DENND2C: variants seen among roughly 807,000 people sequenced by gnomAD.
DENND2C encodes DENN domain-containing protein 2C.
In DENND2C, 72 loss-of-function variants were observed where a neutral mutation model predicts 112.4. The ratio of observed to expected loss-of-function variants is 0.64; its 90% CI spans 0.53 to 0.78. The LOEUF (loss-of-function observed/expected upper bound fraction) is 0.78. Ranked by LOEUF, DENND2C falls within the 30% of genes least tolerant of loss-of-function variation. DENND2C has a pLI of 0.00. For missense variants in DENND2C, 992 were observed against 1,113.8 expected (o/e 0.89, Z 1.56); for synonymous variants, 329 against 381.6 (o/e 0.86, Z 1.61).
chr1:114,616,672 G>A (rs1655980753), intron 8 of DENND2C, among the ~76,000 whole-genome samples: 1 of 152,052 alleles, frequency 6.6e-6, no homozygotes, highest in South Asian at 2.1e-4. Flanking sequence ...TGGCCAACAC[G>A]ATGAAACCCC....
In DENND2C at chr1:114,587,371, A is replaced by G. The variant is rs749243583; in HGVS notation, c.2755+16T>C. The G allele has an allele frequency of 2.2e-5, 35 of 1,613,986 alleles. No individual in the cohort carries two copies. The highest frequency in any genetic ancestry group is 2.9e-5 in the Non-Finnish European group (34 of 1,179,966). On this transcript the variant is annotated intron_variant, in intron 20 of 20. Transcript: ENST00000393274. ...CTTCAGCCACATTTATCTAACAGGA[A>G]AACACAGCAACTAACCAAGACTCCG...
chr1:114,633,009 T>C (rs1656537712), intron 3 of DENND2C, among the ~76,000 whole-genome samples: 1 of 152,112 alleles, frequency 6.6e-6, no homozygotes, highest in African/African-American at 2.4e-5. Flanking sequence ...TTAATCTCTT[T>C]AGAAGATGAC....
chr1:114,621,241 A>G (rs1656156025), intron 7 of DENND2C, among the ~76,000 whole-genome samples: 1 of 152,176 alleles, frequency 6.6e-6, no homozygotes, highest in African/African-American at 2.4e-5. Flanking sequence ...TGGGCAATAT[A>G]GCGAGACTCT....
chr1:114,622,959 T>C, intron 6 of DENND2C, 28 bp downstream of exon 6: 2 of 1,533,268 alleles, frequency 1.3e-6, no homozygotes, highest in Non-Finnish European at 1.8e-6. Context: ...GATTCTAATG[T>C]TTTCTTCAAT....
chr1:114,585,479 G>A lies in DENND2C; in HGVS notation c.*121C>T, dbSNP rs146159704. On this transcript the variant is annotated 3_prime_UTR_variant, in exon 21 of 21. Transcript: ENST00000393274. The stretch of plus-strand genomic sequence containing the variant: ...GAATCCTCCTCTAACAGCCTGACTC[G>A]CTCTTTAACCTTTTAAAATTTCAAG... 6.4e-5 allele frequency: 66 copies of A among 1,035,770 alleles called. No homozygotes were observed. Among genetic ancestry groups the A allele is most frequent in the African/African-American group, 4.8e-4 (30 of 62,562 alleles). The allele number at this position is 1,035,770 out of a possible 1,614,324, so 64.2% of individuals were successfully genotyped here.
intron 1 of DENND2C, among the ~76,000 whole-genome samples, chr1:114,655,240 C>G (rs1657275574): frequency 6.6e-6 from 1 of 152,114 alleles, no homozygotes; most frequent in Non-Finnish European, 1.5e-5. Flanking sequence ...TGTCTATATA[C>G]CTTTCACTAC....
At chr1:114,622,153 GC>G (rs1656184790) in intron 6 of DENND2C, 88 bp from the exon 7 acceptor site, 2 of 1,362,340 alleles carry the variant, frequency 1.5e-6, no homozygotes, top group African/African-American at 1.5e-5. Flanking sequence ...TTGCTCTGTC[GC>G]CCAGGCTGGA....
At chr1:114,651,670 C>T (rs759922936) in intron 2 of DENND2C, among the ~76,000 whole-genome samples, 7 of 151,860 alleles carry the variant, frequency 4.6e-5, no homozygotes, top group African/African-American at 7.3e-5. Flanking sequence ...AGTTGGGAGG[C>T]GGATCCTGCA....
chr1:114,600,750 T>C lies in DENND2C; in HGVS notation c.1956+70A>G, dbSNP rs527357566. ...AAGGGAAATCTATCCCCTTGGGCTC[T>C]GGAAACTGCCTACTAGTGTAAGTCC... On this transcript the variant is annotated intron_variant, in intron 14 of 20. Transcript: ENST00000393274. The C allele has an allele frequency of 7.7e-6, 12 of 1,549,206 alleles. No individual in the cohort carries two copies. In the East Asian group the frequency reaches 2.3e-4, roughly 29 times the overall value.
chr1:114,619,055 A>G (rs1656084398), intron 7 of DENND2C, among the ~76,000 whole-genome samples: 1 of 152,202 alleles, frequency 6.6e-6, no homozygotes, highest in Non-Finnish European at 1.5e-5. Context: ...TCTTCCACTC[A>G]TCAATCTATT....
intron 1 of DENND2C, among the ~76,000 whole-genome samples, chr1:114,659,799 CCCTT>C (rs1230954660): frequency 8.8e-5 from 6 of 68,148 alleles, no homozygotes; most frequent in African/African-American, 1.2e-4. Flanking sequence ...CTCCCTCCCT[CCCTT>C]CCTTCCTTCC....
intron 1 of DENND2C, among the ~76,000 whole-genome samples, chr1:114,662,897 C>T (rs1178545843): frequency 6.6e-6 from 1 of 151,922 alleles, no homozygotes; most frequent in Non-Finnish European, 1.5e-5. Context: ...GGGTTGGAGG[C>T]TGCAGTGAAC....
intron 11 of DENND2C, among the ~76,000 whole-genome samples, chr1:114,604,449 A>G (rs1205849574): frequency 6.6e-6 from 1 of 152,206 alleles, no homozygotes; most frequent in Non-Finnish European, 1.5e-5. Context: ...AATATACTAC[A>G]CTTCCCAAAC....
chr1:114,655,936 C>T (rs952737044), intron 1 of DENND2C, among the ~76,000 whole-genome samples: 16 of 146,052 alleles, frequency 1.1e-4, no homozygotes, highest in Admixed American at 5.5e-4. Context: ...ATATAGCAGT[C>T]GGTTTTTCTT....
chr1:114,643,256 T>C (rs548216181), intron 3 of DENND2C, among the ~76,000 whole-genome samples: 2 of 152,294 alleles, frequency 1.3e-5, no homozygotes, highest in South Asian at 2.1e-4. Context: ...GGGAAAAAAA[T>C]GAACAACATA....
At chr1:114,640,180 T>C (rs1271395447) in intron 3 of DENND2C, among the ~76,000 whole-genome samples, 3 of 152,222 alleles carry the variant, frequency 2.0e-5, no homozygotes, top group Non-Finnish European at 4.4e-5. Flanking sequence ...TGATTTTCCC[T>C]TGGCTCCATA....
chr1:114,624,865 C>A (rs1656286289), intron 4 of DENND2C, among the ~76,000 whole-genome samples: 1 of 152,100 alleles, frequency 6.6e-6, no homozygotes, highest in East Asian at 1.9e-4. Flanking sequence ...AAGTGATCTG[C>A]CAGCCTCAGC....
chr1:114,634,260 C>T (rs1656585560), intron 3 of DENND2C, among the ~76,000 whole-genome samples: 1 of 152,182 alleles, frequency 6.6e-6, no homozygotes, highest in East Asian at 1.9e-4. Flanking sequence ...TTCAATATCA[C>T]TATCAATCAA....
At chr1:114,631,449 C>T (rs1260479276) in intron 3 of DENND2C, among the ~76,000 whole-genome samples, 1 of 151,790 alleles carries the variant, frequency 6.6e-6, no homozygotes, top group Non-Finnish European at 1.5e-5. Context: ...ACAAAGAAAC[C>T]TGAAAATGAG....
Sources: gnomAD v4.1 joint callset for allele counts (sites outside exome capture counted in the v4.1 genomes callset) on GRCh38, gnomAD v4.1.1 for gene constraint, MANE v1.5 for transcripts, NCBI Gene and HGNC (gene_info 2026-07-23, HGNC 2026-07-21) for gene names.